Variants in TRPM3 observed in about 807,000 individuals in gnomAD.
TRPM3 encodes transient receptor potential cation channel subfamily M member 3, also known as long transient receptor potential channel 3.
TRPM3 carries 77 observed loss-of-function variants against 181.2 expected under a neutral mutation model. That is an observed-to-expected ratio of 0.42 (90% confidence interval 0.35 to 0.51). TRPM3 has a LOEUF of 0.51. TRPM3 is among the 20% of genes least tolerant of loss of function. The probability of loss-of-function intolerance (pLI) is 0.01; values close to 1 mark genes in which losing one functional copy is unlikely to be tolerated. For missense variants in TRPM3, 1,759 were observed against 2,196.7 expected, an observed-to-expected ratio of 0.80 and a Z score of 3.98; for synonymous variants, 745 against 796.4, an observed-to-expected ratio of 0.94 and a Z score of 1.09.
At chr9:70,763,878 G>C (rs1172941140) in intron 7 of TRPM3, among the ~76,000 whole-genome samples, 1 of 152,174 alleles carries the variant, frequency 6.6e-6, no homozygotes, top group Non-Finnish European at 1.5e-5. Context: ...TTCTGAGGAA[G>C]TGCTGTTTTA....
chr9:71,179,832 C>T (rs1304331060), intron 1 of TRPM3, among the ~76,000 whole-genome samples: 1 of 152,048 alleles, frequency 6.6e-6, no homozygotes, highest in Non-Finnish European at 1.5e-5. Context: ...CATAGTGAGA[C>T]TTTCCTAATG....
intron 16 of TRPM3, 36 bp from the exon 17 acceptor site, chr9:70,619,131 C>A: frequency 6.4e-7 from 1 of 1,573,006 alleles, no homozygotes; most frequent in South Asian, 1.1e-5. Flanking sequence ...TCCTTCAGGT[C>A]AGCTTGGAGA....
chr9:70,642,633 A>G (rs1307134281), intron 9 of TRPM3, among the ~76,000 whole-genome samples: 1 of 152,192 alleles, frequency 6.6e-6, no homozygotes, highest in East Asian at 1.9e-4. Context: ...TGTGCTTCCA[A>G]TGTGCAGCCA....
intron 8 of TRPM3, among the ~76,000 whole-genome samples, chr9:70,757,781 C>G (rs959142307): frequency 1.3e-5 from 2 of 152,098 alleles, no homozygotes; most frequent in South Asian, 4.1e-4. Context: ...ATTTAACACC[C>G]CTTCATGCTA....
rs75494161 is a variant in TRPM3, at chr9:70,618,095, T to G, written c.2358+772A>C. On this transcript the variant is annotated intron_variant, in intron 17 of 25. Coordinates refer to ENST00000677713, the MANE Select transcript of TRPM3 (RefSeq NM_001366145.2). ...TTCCATCTCCCATTTTTTTCTGTCT[T>G]TCTTTTCCTTTTTCAGTTTCACATT... 8.8e-3 allele frequency among the ~76,000 whole-genome samples: 1,340 copies of G among 152,128 alleles called. 25 individuals carry two copies. The highest frequency in any genetic ancestry group is 0.03 in the African/African-American group (1,259 of 41,570).
At chr9:70,950,486 G>C (rs1222327605) in intron 1 of TRPM3, among the ~76,000 whole-genome samples, 1 of 152,156 alleles carries the variant, frequency 6.6e-6, no homozygotes, top group Non-Finnish European at 1.5e-5. Context: ...AGGTAATTAG[G>C]AACAAATAAA....
chr9:71,293,115 C>G (rs1434381006), intron 1 of TRPM3, among the ~76,000 whole-genome samples: 1 of 151,738 alleles, frequency 6.6e-6, no homozygotes, highest in African/African-American at 2.4e-5. Flanking sequence ...ATAATAAAAA[C>G]TTTTTAAAAA....
intron 6 of TRPM3, chr9:70,824,394 A>T (rs1255186412): frequency 6.6e-6 from 1 of 151,756 alleles, no homozygotes; most frequent in African/African-American, 2.4e-5. Context: ...TTTAGGATAA[A>T]CTTATGGAAT....
At chr9:71,401,378 A>G (rs1253911696) in intron 1 of TRPM3, among the ~76,000 whole-genome samples, 2 of 152,152 alleles carry the variant, frequency 1.3e-5, no homozygotes, top group Non-Finnish European at 2.9e-5. Context: ...GAGGTTGACC[A>G]GTGTTCATCT....
chr9:70,881,278 A>C (rs2095987257), intron 1 of TRPM3, among the ~76,000 whole-genome samples: 1 of 152,136 alleles, frequency 6.6e-6, no homozygotes. Context: ...TAGGTGGCTG[A>C]ATTTAAGCAG....
rs777902453 is a variant in TRPM3, at chr9:71,330,847, C to T, written c.183+115806G>A. 2.9e-4 allele frequency among the ~76,000 whole-genome samples: 44 copies of T among 151,686 alleles called. 1 individual carries two copies. The highest frequency in any genetic ancestry group is 1.3e-4 in the Non-Finnish European group (9 of 67,910). ...AAAACTCCTAGAGTCAAAAGGGAAC[C>T]ACAGTCTTTCCTGGTGGGGTTTCCA... On this transcript the variant is annotated intron_variant, in intron 1 of 24. Transcript: ENST00000357533.
At chr9:71,124,922 T>C (rs2073939774), upstream of TRPM3, among the ~76,000 whole-genome samples, 1 of 152,212 alleles carries the variant, frequency 6.6e-6, no homozygotes, top group Non-Finnish European at 1.5e-5. Flanking sequence ...AGTGTTGCAA[T>C]GTAATTTTTC....
intron 1 of TRPM3, among the ~76,000 whole-genome samples, chr9:71,253,798 G>T (rs1402028405): frequency 6.6e-6 from 1 of 152,156 alleles, no homozygotes; most frequent in Non-Finnish European, 1.5e-5. Context: ...TATGGAATCT[G>T]CCTAAGTGTC....
chr9:71,322,542 G>A (rs1288009177), intron 1 of TRPM3, among the ~76,000 whole-genome samples: 1 of 152,098 alleles, frequency 6.6e-6, no homozygotes, highest in Non-Finnish European at 1.5e-5. Flanking sequence ...TGCTCTGGGT[G>A]AGTGAGGTAG....
At chr9:71,091,545 C>T (rs1266154930) in intron 1 of TRPM3, among the ~76,000 whole-genome samples, 1 of 152,064 alleles carries the variant, frequency 6.6e-6, no homozygotes, top group East Asian at 1.9e-4. Context: ...CCTTGAGCCA[C>T]AAGAGGGGAT....
intron 1 of TRPM3, among the ~76,000 whole-genome samples, chr9:71,265,924 A>T (rs1429203580): frequency 1.3e-5 from 2 of 152,246 alleles, no homozygotes; most frequent in East Asian, 1.9e-4. Context: ...TATCAATGAC[A>T]TCACATTCTG....
rs2093732754 is a variant in TRPM3 at position 71,420,789 on chromosome 9, G to GAGAA, written c.183+25863_183+25864insTTCT. 6.4e-4 allele frequency among the ~76,000 whole-genome samples: 28 copies of GAGAA among 44,086 alleles called. 1 individual carries two copies. The highest frequency in any genetic ancestry group is 9.4e-4 in the Non-Finnish European group (20 of 21,166). The allele number at this position is 44,086 out of a possible 152,430, so 28.9% of individuals were successfully genotyped here. A position where few individuals can be genotyped will look rare whatever the true frequency, so the allele number is the denominator to read the frequency against. ...AGAAAGAGAGAGAAAGAGAGAGAAA[G>GAGAA]AGAGAGAAAGAAAGAGAGAAAGAAA... On this transcript the variant is annotated intron_variant, in intron 1 of 24. Coordinates refer to the TRPM3 transcript ENST00000357533.
At chr9:70,887,359 A>G (rs1292814698) in intron 1 of TRPM3, among the ~76,000 whole-genome samples, 1 of 152,208 alleles carries the variant, frequency 6.6e-6, no homozygotes, top group African/African-American at 2.4e-5. Context: ...TTGTTCACTG[A>G]CAAAATGATT....
intron 8 of TRPM3, among the ~76,000 whole-genome samples, chr9:70,692,338 T>A (rs1462113961): frequency 1.3e-5 from 2 of 152,242 alleles, no homozygotes; most frequent in African/African-American, 4.8e-5. Context: ...AACATCTTTA[T>A]GTATGAGTCC....
Sources: allele counts gnomAD v4.1 joint callset (sites outside exome capture counted in the v4.1 genomes callset), GRCh38; gene constraint gnomAD v4.1.1; transcripts MANE v1.5; gene names NCBI Gene and HGNC (gene_info 2026-07-23, HGNC 2026-07-21).